ZFPM2: variants seen among roughly 807,000 people sequenced by gnomAD.
ZFPM2 encodes the protein zinc finger protein, FOG family member 2, also known as zinc finger protein ZFPM2.
In ZFPM2, 20 loss-of-function variants were observed where a neutral mutation model predicts 98.6. The observed-to-expected ratio is 0.20, with a 90% CI of 0.14 to 0.29. The LOEUF (loss-of-function observed/expected upper bound fraction) is 0.29, where lower values mean the gene tolerates loss of function less well. Ranked by LOEUF, ZFPM2 falls within the 10% of genes least tolerant of loss-of-function variation. The pLI, the probability that ZFPM2 is intolerant of heterozygous loss-of-function variation, is 1.00. For missense variants in ZFPM2, 1,310 were observed against 1,388.6 expected (o/e 0.94, Z 0.90); for synonymous variants, 518 against 502.7 (o/e 1.03, Z -0.41).
At chr8:105,330,558 A>G (rs1812197070) in intron 1 of ZFPM2, among the ~76,000 whole-genome samples, 1 of 125,744 alleles carries the variant, frequency 8.0e-6, no homozygotes, top group African/African-American at 3.2e-5. Context: ...ATATACATAT[A>G]TATATATATA....
chr8:105,598,418 A>C (rs1239874719), intron 4 of ZFPM2, among the ~76,000 whole-genome samples: 1 of 152,176 alleles, frequency 6.6e-6, no homozygotes, highest in East Asian at 1.9e-4. Flanking sequence ...AATGCATTTT[A>C]AACTTAGAAT....
chr8:105,556,039 A>G (rs1362224434), intron 3 of ZFPM2, among the ~76,000 whole-genome samples: 1 of 152,318 alleles, frequency 6.6e-6, no homozygotes, highest in African/African-American at 2.4e-5. Context: ...GATATGTTCA[A>G]TTTGGGATGG....
chr8:105,493,362 A>G (rs1813394133), intron 3 of ZFPM2, among the ~76,000 whole-genome samples: 1 of 152,194 alleles, frequency 6.6e-6, no homozygotes, highest in Non-Finnish European at 1.5e-5. Context: ...CTTTTTGGAA[A>G]AGCAGGTATT....
intron 1 of ZFPM2, among the ~76,000 whole-genome samples, chr8:105,404,423 G>A (rs1175695671): frequency 6.6e-6 from 1 of 151,934 alleles, no homozygotes; most frequent in Non-Finnish European, 1.5e-5. Context: ...TCTATTTGAC[G>A]TCTTATTACT....
intron 5 of ZFPM2, among the ~76,000 whole-genome samples, chr8:105,648,150 GT>G (rs1817089269): frequency 6.6e-6 from 1 of 152,082 alleles, no homozygotes; most frequent in Non-Finnish European, 1.5e-5. Flanking sequence ...CTTTTTTCCT[GT>G]GTCTGTTGGC....
At chr8:105,598,485 A>G (rs1391364052) in intron 4 of ZFPM2, among the ~76,000 whole-genome samples, 1 of 152,128 alleles carries the variant, frequency 6.6e-6, no homozygotes, top group African/African-American at 2.4e-5. Flanking sequence ...AAATTGTTTC[A>G]ATGTGATTAA....
At chr8:105,764,492 A>G (rs1402344315) in intron 5 of ZFPM2, among the ~76,000 whole-genome samples, 1 of 151,682 alleles carries the variant, frequency 6.6e-6, no homozygotes, top group Middle Eastern at 3.2e-3. Flanking sequence ...CCGTTTTTCA[A>G]TAATTCACTG....
chr8:105,335,404 G>A (rs1422105810), intron 1 of ZFPM2, among the ~76,000 whole-genome samples: 1 of 151,758 alleles, frequency 6.6e-6, no homozygotes, highest in Non-Finnish European at 1.5e-5. Flanking sequence ...GGACAGAGGT[G>A]CTACAAGGTG....
At chr8:105,512,152 G>A (rs542336708) in intron 3 of ZFPM2, among the ~76,000 whole-genome samples, 29 of 152,226 alleles carry the variant, frequency 1.9e-4, no homozygotes, top group African/African-American at 7.0e-4. Context: ...CTCAAGAAAA[G>A]AAGGCACAAC....
At chr8:105,783,350 G>GA (rs141723345) in intron 5 of ZFPM2, among the ~76,000 whole-genome samples, 10,462 of 143,622 alleles carry the variant, frequency 0.073, 409 homozygotes, top group East Asian at 0.13. Flanking sequence ...GTTTTGTAGT[G>GA]AAAAAAAAAA....
At chr8:105,353,588 C>T (rs1812688684) in intron 1 of ZFPM2, among the ~76,000 whole-genome samples, 1 of 152,074 alleles carries the variant, frequency 6.6e-6, no homozygotes, top group South Asian at 2.1e-4. Context: ...TATTTTTTGG[C>T]TACATCTCCA....
chr8:105,400,583 T>G (rs1337062097), intron 1 of ZFPM2, among the ~76,000 whole-genome samples: 1 of 152,216 alleles, frequency 6.6e-6, no homozygotes, highest in Admixed American at 6.6e-5. Flanking sequence ...GGTAGCCTAT[T>G]GCTAAATGTA....
chr8:105,425,475 G>A (rs554000696), intron 2 of ZFPM2, among the ~76,000 whole-genome samples: 14 of 152,256 alleles, frequency 9.2e-5, no homozygotes, highest in African/African-American at 3.4e-4. Flanking sequence ...GAGTCACTTT[G>A]TTCCCTTCCA....
chr8:105,800,563 C>G (rs189856036), intron 7 of ZFPM2, among the ~76,000 whole-genome samples: 40 of 151,988 alleles, frequency 2.6e-4, no homozygotes, highest in African/African-American at 8.7e-4. Flanking sequence ...TTCTATTTGG[C>G]CTCTTTAGAA....
intron 3 of ZFPM2, among the ~76,000 whole-genome samples, chr8:105,487,180 A>C (rs577451679): frequency 2.0e-5 from 3 of 152,114 alleles, no homozygotes; most frequent in African/African-American, 7.2e-5. Flanking sequence ...TGGTGCAATC[A>C]TGGCTCACTG....
intron 4 of ZFPM2, among the ~76,000 whole-genome samples, chr8:105,610,616 A>G (rs774618114): frequency 2.6e-5 from 4 of 152,136 alleles, no homozygotes; most frequent in Non-Finnish European, 4.4e-5. Flanking sequence ...TTTATATTGT[A>G]TATTGGGGGC....
At chr8:105,752,507 T>G (rs1159577826) in intron 5 of ZFPM2, among the ~76,000 whole-genome samples, 1 of 152,208 alleles carries the variant, frequency 6.6e-6, no homozygotes, top group Non-Finnish European at 1.5e-5. Context: ...GTTGGTTGTT[T>G]GTGGCAACAG....
chr8:105,781,243 G>T, intron 5 of ZFPM2, among the ~76,000 whole-genome samples: 1 of 152,158 alleles, frequency 6.6e-6, no homozygotes, highest in Middle Eastern at 3.4e-3. Context: ...TGGTTAGGTC[G>T]AATCTTGATG....
chr8:105,644,283 C>CT lies in ZFPM2; in HGVS notation c.532+9940dup, dbSNP rs749074804. ...CATTGCTTTTATTTTTCTTTCTTTTCTTTTTTTTTTTTTTAAAAAAAAAAC... is the reference window on the plus strand; with the variant it reads ...CATTGCTTTTATTTTTCTTTCTTTTCTTTTTTTTTTTTTTTAAAAAAAAAAC... On this transcript the variant is annotated intron_variant, in intron 5 of 7. Transcript: ENST00000407775. Among the ~76,000 whole-genome samples, 259 of 138,528 alleles carry CT rather than the reference C, an allele frequency of 1.9e-3. 2 individuals carry two copies. Among genetic ancestry groups the CT allele is most frequent in the Admixed American group, 4.2e-3 (57 of 13,634 alleles). The allele number at this position is 138,528 out of a possible 152,430, so 90.9% of individuals were successfully genotyped here. A position where few individuals can be genotyped will look rare whatever the true frequency, so the allele number is the denominator to read the frequency against.
Sources: gnomAD v4.1 joint callset for allele counts (sites outside exome capture counted in the v4.1 genomes callset) on GRCh38, gnomAD v4.1.1 for gene constraint, MANE v1.5 for transcripts, NCBI Gene and HGNC (gene_info 2026-07-23, HGNC 2026-07-21) for gene names.